CNTNAP2: variants seen among roughly 807,000 people sequenced by gnomAD.
The protein encoded by CNTNAP2 is contactin-associated protein-like 2.
CNTNAP2 carries 98 observed loss-of-function variants against 155.2 expected under a neutral mutation model. The observed-to-expected ratio is 0.63, with a 90% CI of 0.54 to 0.75. The LOEUF (loss-of-function observed/expected upper bound fraction) is 0.75, where lower values mean the gene tolerates loss of function less well. Ranked by LOEUF, CNTNAP2 falls within the 30% of genes least tolerant of loss-of-function variation. CNTNAP2 has a pLI of 0.00. For synonymous variants in CNTNAP2, 651 were observed against 631.2 expected (o/e 1.03, Z -0.47); for missense variants, 1,727 against 1,688.1 (o/e 1.02, Z -0.40).
At chr7:146,270,384 C>A (rs1255078674) in intron 1 of CNTNAP2, among the ~76,000 whole-genome samples, 1 of 152,096 alleles carries the variant, frequency 6.6e-6, no homozygotes, top group Non-Finnish European at 1.5e-5. Context: ...GGCCCTTCCA[C>A]CAGATGATGT....
intron 1 of CNTNAP2, among the ~76,000 whole-genome samples, chr7:146,713,931 A>G (rs935096624): frequency 2.0e-5 from 3 of 152,294 alleles, no homozygotes; most frequent in Non-Finnish European, 4.4e-5. Context: ...ATGAACTAGC[A>G]TATGTATATA....
At chr7:146,539,186 C>A (rs1463000346) in intron 1 of CNTNAP2, among the ~76,000 whole-genome samples, 1 of 151,994 alleles carries the variant, frequency 6.6e-6, no homozygotes, top group Non-Finnish European at 1.5e-5. Flanking sequence ...ACGTATATAT[C>A]CCTTGTGTAG....
intron 1 of CNTNAP2, among the ~76,000 whole-genome samples, chr7:146,684,437 C>T (rs1378723543): frequency 6.6e-6 from 1 of 151,896 alleles, no homozygotes; most frequent in East Asian, 1.9e-4. Flanking sequence ...AAATATCCTC[C>T]AGAACCAGAT....
At chr7:147,516,613 AG>A (rs1255953421) in intron 11 of CNTNAP2, among the ~76,000 whole-genome samples, 5 of 100,158 alleles carry the variant, frequency 5.0e-5, no homozygotes, top group East Asian at 2.7e-4. Context: ...ACAGAGAGAG[AG>A]AGAATGTGTG....
intron 1 of CNTNAP2, among the ~76,000 whole-genome samples, chr7:146,264,865 G>T (rs1397742051): frequency 6.6e-6 from 1 of 152,176 alleles, no homozygotes; most frequent in African/African-American, 2.4e-5. Context: ...ACTGCCAAAT[G>T]ACAGCCACTG....
chr7:146,442,594 G>A (rs1259232220), intron 1 of CNTNAP2, among the ~76,000 whole-genome samples: 2 of 152,152 alleles, frequency 1.3e-5, no homozygotes, highest in Non-Finnish European at 2.9e-5. Context: ...AGAGCCTGAT[G>A]CCCCACTAAC....
At chr7:147,442,685 T>C (rs994290576) in intron 10 of CNTNAP2, among the ~76,000 whole-genome samples, 2 of 152,076 alleles carry the variant, frequency 1.3e-5, no homozygotes, top group South Asian at 4.1e-4. Flanking sequence ...TGCTGCTGGT[T>C]ATTTGAGCCC....
chr7:147,361,374 G>A (rs1336628458), intron 9 of CNTNAP2, among the ~76,000 whole-genome samples: 2 of 152,122 alleles, frequency 1.3e-5, no homozygotes, highest in Non-Finnish European at 2.9e-5. Flanking sequence ...TGCATGCTTT[G>A]CAATTTTCAA....
chr7:148,315,013 G>A (rs1021554199), intron 21 of CNTNAP2, among the ~76,000 whole-genome samples: 2 of 152,162 alleles, frequency 1.3e-5, no homozygotes, highest in Admixed American at 1.3e-4. Flanking sequence ...GAGGTTGAGG[G>A]ATAGTGAGAG....
chr7:147,472,063 G>C (rs10952683), intron 10 of CNTNAP2, among the ~76,000 whole-genome samples: 117,462 of 151,982 alleles, frequency 0.77, 45,661 homozygotes, highest in African/African-American at 0.85. Flanking sequence ...ACCTGCCCTT[G>C]TTTTGCTTCT....
intron 3 of CNTNAP2, among the ~76,000 whole-genome samples, chr7:147,007,883 T>C (rs1028518627): frequency 4.6e-5 from 7 of 152,120 alleles, no homozygotes; most frequent in African/African-American, 1.4e-4. Context: ...TTTGACATAA[T>C]AAAATACACT....
chr7:146,465,270 T>C (rs1040158483), intron 1 of CNTNAP2, among the ~76,000 whole-genome samples: 1 of 152,104 alleles, frequency 6.6e-6, no homozygotes, highest in Non-Finnish European at 1.5e-5. Flanking sequence ...AAAGCAAAGA[T>C]TATGAAGTTT....
chr7:148,393,818 T>A (rs1799407592), intron 22 of CNTNAP2, among the ~76,000 whole-genome samples: 1 of 152,130 alleles, frequency 6.6e-6, no homozygotes, highest in Admixed American at 6.5e-5. Flanking sequence ...AATTATGAGT[T>A]GGGTTAAGTA....
intron 10 of CNTNAP2, among the ~76,000 whole-genome samples, chr7:147,469,624 T>A (rs1029966388): frequency 9.3e-5 from 14 of 150,342 alleles, no homozygotes; most frequent in Admixed American, 4.0e-4. Context: ...GTTCAAGCGA[T>A]TCTCCTGCCT....
chr7:148,380,269 A>G (rs148625942), intron 21 of CNTNAP2, among the ~76,000 whole-genome samples: 193 of 152,378 alleles, frequency 1.3e-3, no homozygotes, highest in Non-Finnish European at 2.4e-3. Flanking sequence ...AATCAATTAT[A>G]GAGTAACATA....
chr7:148,009,242 C>T (rs1279702762), intron 15 of CNTNAP2, among the ~76,000 whole-genome samples: 1 of 152,098 alleles, frequency 6.6e-6, no homozygotes, highest in Admixed American at 6.6e-5. Context: ...TAACACAAAG[C>T]CTATTTTGTA....
At chr7:148,288,314 T>C (rs919381745) in intron 21 of CNTNAP2, among the ~76,000 whole-genome samples, 3 of 151,718 alleles carry the variant, frequency 2.0e-5, no homozygotes, top group Non-Finnish European at 4.4e-5. Flanking sequence ...TTGGCCAAGC[T>C]GGTCTCAAAC....
At chr7:147,572,161 C>G (rs1411197370) in intron 12 of CNTNAP2, among the ~76,000 whole-genome samples, 2 of 151,028 alleles carry the variant, frequency 1.3e-5, no homozygotes, top group African/African-American at 4.9e-5. Flanking sequence ...TTACCCACTC[C>G]CAAAGACTCC....
chr7:146,180,844 G>A (rs908005392), intron 1 of CNTNAP2, among the ~76,000 whole-genome samples: 3 of 152,154 alleles, frequency 2.0e-5, no homozygotes, highest in African/African-American at 7.2e-5. Flanking sequence ...TCAGTAACCA[G>A]TAAGTAAGTT....
Sources: gnomAD v4.1 joint callset for allele counts (sites outside exome capture counted in the v4.1 genomes callset) on GRCh38, gnomAD v4.1.1 for gene constraint, MANE v1.5 for transcripts, NCBI Gene and HGNC (gene_info 2026-07-23, HGNC 2026-07-21) for gene names.